Variants in PLCB1 observed in about 807,000 individuals in gnomAD.
The protein encoded by PLCB1 is phospholipase C beta 1.
PLCB1 carries 46 observed loss-of-function variants against 161.8 expected under a neutral mutation model. The observed-to-expected ratio is 0.28, with a 90% confidence interval of 0.22 to 0.36. The LOEUF (loss-of-function observed/expected upper bound fraction) is 0.36, where lower values mean the gene tolerates loss of function less well. PLCB1 is among the 10% of genes least tolerant of loss of function. The pLI, the probability that PLCB1 is intolerant of heterozygous loss-of-function variation, is 1.00. For missense variants in PLCB1, 1,016 were observed against 1,472.5 expected (o/e 0.69, Z 5.07); for synonymous variants, 517 against 503.7 (o/e 1.03, Z -0.35).
intron 3 of PLCB1, among the ~76,000 whole-genome samples, chr20:8,409,345 A>G (rs1978933728): frequency 6.6e-6 from 1 of 152,194 alleles, no homozygotes; most frequent in African/African-American, 2.4e-5. Context: ...TTCCACATAA[A>G]CAACATTAGC....
chr20:8,302,405 A>C (rs1158172358), intron 2 of PLCB1, among the ~76,000 whole-genome samples: 4 of 152,200 alleles, frequency 2.6e-5, no homozygotes, highest in Non-Finnish European at 4.4e-5. Context: ...GACCCTGGCA[A>C]CTTGATAATG....
chr20:8,290,920 T>C (rs1983353828), intron 2 of PLCB1, among the ~76,000 whole-genome samples: 1 of 151,982 alleles, frequency 6.6e-6, no homozygotes, highest in Admixed American at 6.6e-5. Flanking sequence ...AAATTATAAG[T>C]TACAACTATT....
chr20:8,330,372 A>G (rs1258651676), intron 2 of PLCB1, among the ~76,000 whole-genome samples: 4 of 152,238 alleles, frequency 2.6e-5, no homozygotes, highest in Non-Finnish European at 5.9e-5. Flanking sequence ...TAACCCAGGC[A>G]GTCAGATTGC....
intron 19 of PLCB1, among the ~76,000 whole-genome samples, chr20:8,735,636 A>T (rs1157060333): frequency 6.6e-6 from 1 of 152,028 alleles, no homozygotes; most frequent in Non-Finnish European, 1.5e-5. Context: ...TTAGTTTAGG[A>T]CTCTGCTTTG....
intron 3 of PLCB1, among the ~76,000 whole-genome samples, chr20:8,429,296 G>A (rs963871173): frequency 2.0e-5 from 3 of 152,164 alleles, no homozygotes; most frequent in Non-Finnish European, 2.9e-5. Flanking sequence ...TTTAATCACT[G>A]AATGAAATAA....
chr20:8,455,411 A>G (rs1490355286), intron 3 of PLCB1, among the ~76,000 whole-genome samples: 1 of 143,294 alleles, frequency 7.0e-6, no homozygotes, highest in African/African-American at 2.6e-5. Flanking sequence ...TATAACAATT[A>G]TTATTACAAG....
At chr20:8,797,309 G>A (rs1984074902) in intron 31 of PLCB1, among the ~76,000 whole-genome samples, 1 of 150,736 alleles carries the variant, frequency 6.6e-6, no homozygotes, top group African/African-American at 2.4e-5. Context: ...ATATGTGTTT[G>A]AGATGGCTAG....
At chr20:8,398,794 C>G (rs1385526600) in intron 3 of PLCB1, among the ~76,000 whole-genome samples, 1 of 151,720 alleles carries the variant, frequency 6.6e-6, no homozygotes. Flanking sequence ...GTATTTCGTC[C>G]TTTTTTTCTC....
intron 23 of PLCB1, among the ~76,000 whole-genome samples, chr20:8,755,273 CTCTTA>C (rs1373226195): frequency 4.6e-5 from 7 of 152,224 alleles, no homozygotes; most frequent in African/African-American, 7.2e-5. Context: ...ACTATTTTCA[CTCTTA>C]TCTTACTTTT....
intron 3 of PLCB1, among the ~76,000 whole-genome samples, chr20:8,580,737 A>G (rs1986809601): frequency 6.6e-6 from 1 of 152,236 alleles, no homozygotes; most frequent in Non-Finnish European, 1.5e-5. Context: ...ATGAGCACAA[A>G]TTATATGAAA....
At chr20:8,784,430 G>A (rs1983383813) in intron 27 of PLCB1, among the ~76,000 whole-genome samples, 1 of 152,092 alleles carries the variant, frequency 6.6e-6, no homozygotes, top group South Asian at 2.1e-4. Flanking sequence ...GGGTATGGTG[G>A]CACACGCCTG....
intron 3 of PLCB1, among the ~76,000 whole-genome samples, chr20:8,393,480 G>A (rs915719319): frequency 6.6e-6 from 1 of 151,968 alleles, no homozygotes; most frequent in Admixed American, 6.6e-5. Context: ...GAGACCCAAA[G>A]CCCTATCTCT....
intron 2 of PLCB1, among the ~76,000 whole-genome samples, chr20:8,182,531 A>G (rs1262839298): frequency 6.6e-6 from 1 of 151,788 alleles, no homozygotes; most frequent in Non-Finnish European, 1.5e-5. Context: ...ATCCTATACC[A>G]TCAAGCTCCC....
At chr20:8,558,511 G>A (rs1986038774) in intron 3 of PLCB1, among the ~76,000 whole-genome samples, 1 of 151,654 alleles carries the variant, frequency 6.6e-6, no homozygotes, top group Admixed American at 6.6e-5. Context: ...AAAAAAGGCA[G>A]AAAGAATATT....
intron 2 of PLCB1, among the ~76,000 whole-genome samples, chr20:8,313,353 G>T (rs1054041522): frequency 1.3e-5 from 2 of 152,018 alleles, no homozygotes; most frequent in African/African-American, 4.8e-5. Context: ...GAAGCTACAT[G>T]GTTCTCATTC....
intron 2 of PLCB1, among the ~76,000 whole-genome samples, chr20:8,255,722 TA>T (rs1981374548): frequency 6.6e-6 from 1 of 152,040 alleles, no homozygotes; most frequent in African/African-American, 2.4e-5. Context: ...TACTTTATGT[TA>T]AATGACAGTT....
At chr20:8,663,587 T>C (rs1208138565) in intron 9 of PLCB1, among the ~76,000 whole-genome samples, 3 of 152,102 alleles carry the variant, frequency 2.0e-5, no homozygotes, top group Admixed American at 6.6e-5. Context: ...GGGAGATGTG[T>C]ATATTGGTTA....
intron 2 of PLCB1, among the ~76,000 whole-genome samples, chr20:8,339,128 A>G (rs1239607966): frequency 6.6e-6 from 1 of 152,190 alleles, no homozygotes; most frequent in African/African-American, 2.4e-5. Flanking sequence ...AGGTCTTCTC[A>G]TGGACATACA....
At chr20:8,250,687 A>G (rs1981094101) in intron 2 of PLCB1, among the ~76,000 whole-genome samples, 1 of 151,948 alleles carries the variant, frequency 6.6e-6, no homozygotes, top group South Asian at 2.1e-4. Context: ...TCTGTCAGTT[A>G]GCAAATATTT....
Sources: allele counts gnomAD v4.1 joint callset (sites outside exome capture counted in the v4.1 genomes callset), GRCh38; gene constraint gnomAD v4.1.1; transcripts MANE v1.5; gene names NCBI Gene and HGNC (gene_info 2026-07-23, HGNC 2026-07-21).